Variants in COL6A2 observed in about 807,000 individuals in gnomAD.
COL6A2 encodes the protein collagen alpha-2(VI) chain.
Under a neutral mutation model 124.9 loss-of-function variants are expected in COL6A2, and 90 were observed. The ratio of observed to expected loss-of-function variants is 0.72; its 90% CI spans 0.61 to 0.86. The LOEUF is 0.86. Among genes scored for constraint, COL6A2 ranks in the 40% least tolerant of loss-of-function variants. COL6A2 has a pLI of 0.00. For missense variants in COL6A2, 1,607 were observed against 1,502.5 expected (o/e 1.07, Z -1.15); for synonymous variants, 793 against 618.2 (o/e 1.28, Z -4.19).
chr21:46,132,048 C>T lies in COL6A2; in HGVS notation c.2556C>T (p.Ala852=), dbSNP rs148404291. ...TGGGTGAGCAGAACTTCCACAAGGCCCGGCGCTTCGTGGAGCAGGTGGCGC... is the reference window on the plus strand; with the variant it reads ...TGGGTGAGCAGAACTTCCACAAGGCTCGGCGCTTCGTGGAGCAGGTGGCGC... ...ERLGEQNFHK[A]RRFVEQVARR... Residue 852 remains alanine, a synonymous_variant, in exon 28 of 28, where the codon GCC becomes GCT. Coordinates refer to ENST00000300527, the MANE Select transcript of COL6A2 (RefSeq NM_001849.4). 2.2e-5 allele frequency: 36 copies of T among 1,607,808 alleles called. No homozygotes were observed. In the African/African-American group the frequency reaches 4.3e-4, roughly 19 times the overall value.
At chr21:46,131,917 T>A (rs1455069812) in intron 27 of COL6A2, 37 bp from the exon 28 acceptor site, 1 of 1,544,930 alleles carries the variant, frequency 6.5e-7, no homozygotes, top group Non-Finnish European at 8.7e-7. Context: ...CCTGCCCACC[T>A]CCCCTCCGCC....
At position 46,112,308 on chromosome 21, in the gene COL6A2, C is replaced by T. The variant is rs776091891; in HGVS notation, c.445C>T (p.Arg149Cys). ...ANMTEQIRQD[R>C]SKGTVHFAVV... ...CATGACGGAGCAGATCCGGCAGGAC[C>T]GCAGCAAGGGCACCGTCCACTTCGC... Residue 149 changes from arginine (R) to cysteine (C), a missense_variant, in exon 3 of 28, where the codon CGC (arginine) becomes TGC (cysteine). By Grantham distance (180) the Arg-to-Cys change is radical. Transcript: ENST00000300527. The T allele has an allele frequency of 9.3e-6, 15 of 1,612,240 alleles. No individual in the cohort carries two copies. The highest frequency in any genetic ancestry group is 2.7e-5 in the African/African-American group (2 of 75,044).
At position 46,117,411 on chromosome 21, in the gene COL6A2, G is replaced by A. The variant is rs760596115; in HGVS notation, c.1011G>A (p.Gly337=). 3.3e-5 allele frequency: 54 copies of A among 1,612,712 alleles called. No individual in the cohort carries two copies. Among genetic ancestry groups the A allele is most frequent in the Non-Finnish European group, 4.5e-5 (53 of 1,179,916 alleles). Residue 337 remains glycine (G), a synonymous_variant, in exon 11 of 28, where the codon GGG becomes GGA. Transcript: ENST00000300527. ...NGTDGQKGKL[G]RIGPPGCKGD... The stretch of plus-strand genomic sequence containing the variant: ...CCCTTCTCCTTCAGGGCAAGCTGGG[G>A]CGCATCGGACCTCCTGGCTGCAAGG...
At position 46,118,637 on chromosome 21, in the gene COL6A2, C is replaced by T. The variant is rs144482400; in HGVS notation, c.1140C>T (p.Arg380=). The T allele has an allele frequency of 3.6e-4, 584 of 1,612,582 alleles. 4 individuals are homozygous for T. The African/African-American group carries it at 7.0e-3, about 19-fold the overall frequency. The change falls in exon 13 of 28, where the codon CGC becomes CGT. Residue 380 remains arginine (R), a synonymous_variant. Transcript: ENST00000300527. ...AGGGGGACCCTGGCCGCCCAGGACG[C>T]AGAGGGCCCCCGGGAGAAATCGGGG... ...GGKGDPGRPG[R]RGPPGEIGAK... is the part of the protein sequence containing the mutation.
At chr21:46,123,524 G>C (rs1453795145) in intron 21 of COL6A2, among the ~76,000 whole-genome samples, 1 of 151,846 alleles carries the variant, frequency 6.6e-6, no homozygotes, top group African/African-American at 2.4e-5. Flanking sequence ...TGGGCAAGTG[G>C]ATGGGGGTGG....
chr21:46,119,326 C>T (rs1485063710), intron 14 of COL6A2, among the ~76,000 whole-genome samples: 1 of 152,116 alleles, frequency 6.6e-6, no homozygotes, highest in Non-Finnish European at 1.5e-5. Context: ...CCAGGCAGGT[C>T]CTCCATGGTG....
Position 46,132,023 on chromosome 21 carries a change from T to C in COL6A2, c.2531T>C (p.Leu844Pro), listed in dbSNP as rs1333354546. The change falls in exon 28 of 28, where the codon CTG (leucine) becomes CCG (proline). Residue 844 changes from leucine to proline, a missense_variant. Physicochemically the swap from Leu to Pro is moderately conservative, Grantham distance 98. Coordinates refer to ENST00000300527, the MANE Select transcript of COL6A2 (RefSeq NM_001849.4). ...TTCCTGCTGGACGGCTCCGAGCGGCTGGGTGAGCAGAACTTCCACAAGGCC... is the reference window on the plus strand; with the variant it reads ...TTCCTGCTGGACGGCTCCGAGCGGCCGGGTGAGCAGAACTTCCACAAGGCC... ...IVFLLDGSER[L>P]GEQNFHKARR... The C allele has an allele frequency of 6.2e-7, 1 of 1,609,396 alleles. No individual in the cohort carries two copies. Among genetic ancestry groups the C allele is most frequent in the Non-Finnish European group, 8.5e-7 (1 of 1,179,382 alleles).
rs866227231 is a variant in COL6A2 at position 46,119,789 on chromosome 21, G to T, written c.1271G>T (p.Gly424Val). 6.4e-7 allele frequency: 1 copy of T among 1,560,366 alleles called. No homozygotes were observed. The highest frequency in any genetic ancestry group is 1.2e-5 in the South Asian group (1 of 84,862). ...CACCCACACGCCTGTTCTCTGCAGG[G>T]GCGCAGGGGAGACCCCGGCACCAAG... ...PGPRGPKGEPGRRGDPGTKGS... is the reference protein window; with the variant it reads ...PGPRGPKGEPVRRGDPGTKGS... The change falls in exon 15 of 28, where the codon GGG becomes GTG. Residue 424 changes from glycine (G) to valine (V), a missense_variant and splice_region_variant. By Grantham distance (109) the Gly-to-Val change is moderately radical. Around this residue, in one of 3 missense-constraint regions of COL6A2, gnomAD observed 1,223 missense variants for 1,052.2 expected, o/e 1.16. Coordinates refer to ENST00000300527, the MANE Select transcript of COL6A2 (RefSeq NM_001849.4).
intron 3 of COL6A2, 27 bp downstream of exon 3, chr21:46,112,604 A>G: frequency 6.2e-7 from 1 of 1,609,920 alleles, no homozygotes; most frequent in Non-Finnish European, 8.5e-7. Flanking sequence ...AGCACCGTCC[A>G]CGCGCCAGGG....
chr21:46,124,123 G>GTGGA (rs1226179718), intron 21 of COL6A2, among the ~76,000 whole-genome samples: 3 of 151,260 alleles, frequency 2.0e-5, no homozygotes, highest in African/African-American at 2.4e-5. Context: ...GAGTGGGTGG[G>GTGGA]TGGATGGATA....
rs1457340270 is a variant in COL6A2 at position 46,119,682 on chromosome 21, G to A, written c.1270-106G>A. ...CGAGGTCCCAGGTCCCAAAGCCAGA[G>A]CCCTCCTGTAGAGAAGGAGCATCGG... On this transcript the variant is annotated intron_variant, in intron 14 of 27. Transcript: ENST00000300527. 166 of 1,029,602 alleles carry A rather than the reference G, an allele frequency of 1.6e-4. 1 individual carries two copies. The highest frequency in any genetic ancestry group is 2.8e-5 in the Non-Finnish European group (19 of 684,742). 63.8% of individuals were successfully genotyped at this position (1,029,602 alleles called of 1,614,324 possible). A position where few individuals can be genotyped will look rare whatever the true frequency, so the allele number is the denominator to read the frequency against.
chr21:46,129,308 G>C, intron 27 of COL6A2: 1 of 1,612,940 alleles, frequency 6.2e-7, no homozygotes, highest in Non-Finnish European at 8.5e-7. Flanking sequence ...TAAACGCCAC[G>C]GAGCTCACGC....
intron 27 of COL6A2, among the ~76,000 whole-genome samples, chr21:46,130,844 T>C (rs2078751111): frequency 6.6e-6 from 1 of 152,218 alleles, no homozygotes; most frequent in East Asian, 1.9e-4. Flanking sequence ...CTGAATGAGC[T>C]GCGTCACTCA....
At position 46,124,533 on chromosome 21, in the gene COL6A2, G is replaced by A; in HGVS notation, c.1672-118G>A. The A allele has an allele frequency of 1.4e-5, 11 of 809,594 alleles. No homozygotes were observed. In the South Asian group the frequency reaches 1.5e-4, roughly 11 times the overall value. 50.2% of individuals were successfully genotyped at this position (809,594 alleles called of 1,614,324 possible). On this transcript the variant is annotated intron_variant, in intron 21 of 27. Coordinates refer to ENST00000300527, the MANE Select transcript of COL6A2 (RefSeq NM_001849.4). The stretch of plus-strand genomic sequence containing the variant: ...CAGCCTTGTCTTACTCCTTGCACCT[G>A]TTAGCCCCCCCCCCCGCCAAGGGAG...
In COL6A2 at chr21:46,124,129, GGATA is replaced by G. The variant is rs573771282; in HGVS notation, c.1672-518_1672-515del. On this transcript the variant is annotated intron_variant, in intron 21 of 27. Transcript: ENST00000300527. ...CGGACAGGTGAGTGGGTGGGTGGAT[GGATA>G]GATGGGTAAGTGAGTGGATAGATAG... Among the ~76,000 whole-genome samples, 766 of 151,546 alleles carry G rather than the reference GGATA, an allele frequency of 5.1e-3. 5 individuals carry two copies. Among genetic ancestry groups the G allele is most frequent in the Admixed American group, 8.2e-3 (125 of 15,214 alleles).
In COL6A2 at chr21:46,130,296, G is replaced by A. The variant is rs575091369; in HGVS notation, c.2462-1658G>A. Among the ~76,000 whole-genome samples the A allele has an allele frequency of 8.5e-5, 13 of 152,352 alleles. No individual in the cohort carries two copies. The South Asian group carries it at 1.9e-3, about 22-fold the overall frequency. ...GCATCCACCAGGCACAACCTCTGCG[G>A]TCCTCAGAGGACTGAGCAGAGAATC... On this transcript the variant is annotated intron_variant, in intron 27 of 27. Transcript: ENST00000300527.
chr21:46,114,036 C>G lies in COL6A2; in HGVS notation c.764C>G (p.Pro255Arg), dbSNP rs746410945. 1.9e-6 allele frequency: 3 copies of G among 1,613,832 alleles called. No individual in the cohort carries two copies. The East Asian group carries it at 6.7e-5, about 36-fold the overall frequency. Reference sequence around the variant, plus strand: ...TACAAGGTGAGCTGCCTGGAAATCCCTGGGCCCTCTGGCCCCAAGGGCTAC... The same window carrying G: ...TACAAGGTGAGCTGCCTGGAAATCCGTGGGCCCTCTGGCCCCAAGGGCTAC... Reference protein sequence around the residue: ...ECYKVSCLEIPGPSGPKGYRG... With the variant: ...ECYKVSCLEIRGPSGPKGYRG... Residue 255 changes from proline to arginine, a missense_variant, in exon 5 of 28, where the codon CCT (proline) becomes CGT (arginine). Transcript: ENST00000300527.
intron 27 of COL6A2, 140 bp from the exon 28 acceptor site, chr21:46,131,814 T>C (rs1001904602): frequency 4.4e-5 from 36 of 810,688 alleles, no homozygotes; most frequent in Admixed American, 1.3e-4. Context: ...AGGGCTGCCC[T>C]GCAGAAACGC....
chr21:46,103,033 T>A (rs2123594628), intron 1 of COL6A2, among the ~76,000 whole-genome samples: 1 of 152,292 alleles, frequency 6.6e-6, no homozygotes, highest in Admixed American at 6.5e-5. Context: ...AATTCACCAG[T>A]GCAGCCATCA....
Sources: gnomAD v4.1 joint callset for allele counts (sites outside exome capture counted in the v4.1 genomes callset) on GRCh38, gnomAD v4.1.1 for gene constraint, gnomAD v4.1.1 regional missense constraint, MANE v1.5 for transcripts, NCBI Gene and HGNC (gene_info 2026-07-23, HGNC 2026-07-21) for gene names.